MRPL3: variants seen among roughly 807,000 people sequenced by gnomAD.
The protein encoded by MRPL3 is large ribosomal subunit protein uL3m.
In MRPL3, 43 loss-of-function variants were observed where a neutral mutation model predicts 44.3. That is an observed-to-expected ratio of 0.97 (90% CI 0.76 to 1.25). MRPL3 has a LOEUF of 1.25. Among genes scored for constraint, MRPL3 ranks in the 50% most tolerant of loss-of-function variants. The pLI is 0.00. For missense variants in MRPL3, 406 were observed against 427.6 expected, an observed-to-expected ratio of 0.95 and a Z score of 0.45; for synonymous variants, 171 against 152.3, an observed-to-expected ratio of 1.12 and a Z score of -0.91.
At chr3:131,499,707 TG>T (rs1934451611) in intron 3 of MRPL3, among the ~76,000 whole-genome samples, 2 of 151,994 alleles carry the variant, frequency 1.3e-5, no homozygotes, top group Admixed American at 6.6e-5. Flanking sequence ...GGGGGAGTGA[TG>T]ATCTCTTACC....
At chr3:131,490,727 C>A (rs930786399) in intron 4 of MRPL3, among the ~76,000 whole-genome samples, 1 of 152,226 alleles carries the variant, frequency 6.6e-6, no homozygotes, top group African/African-American at 2.4e-5. Flanking sequence ...ACAGTACTAT[C>A]CTCCCACCCC....
intron 6 of MRPL3, among the ~76,000 whole-genome samples, chr3:131,474,970 A>G (rs1490087243): frequency 6.6e-6 from 1 of 151,848 alleles, no homozygotes; most frequent in Non-Finnish European, 1.5e-5. Flanking sequence ...TGGTAGAGAG[A>G]GGGATCTTGC....
chr3:131,467,888 G>A (rs1933651739), intron 9 of MRPL3, among the ~76,000 whole-genome samples: 1 of 151,752 alleles, frequency 6.6e-6, no homozygotes, highest in African/African-American at 2.4e-5. Context: ...TTTTCACTCA[G>A]GTGCTACTAA....
At chr3:131,484,578 A>T (rs1300215590) in intron 6 of MRPL3, among the ~76,000 whole-genome samples, 1 of 152,218 alleles carries the variant, frequency 6.6e-6, no homozygotes, top group African/African-American at 2.4e-5. Context: ...GGAGTTTAAA[A>T]AAGAAAAAAA....
At chr3:131,468,793 T>C (rs779756188) in intron 8 of MRPL3, among the ~76,000 whole-genome samples, 1 of 152,024 alleles carries the variant, frequency 6.6e-6, no homozygotes, top group Non-Finnish European at 1.5e-5. Flanking sequence ...AGTATAAATG[T>C]AATAGAAGGG....
At position 131,462,610 on chromosome 3, in the gene MRPL3, A is replaced by T; in HGVS notation, c.*113T>A. On this transcript the variant is annotated 3_prime_UTR_variant, in exon 10 of 10. Coordinates refer to ENST00000264995, the MANE Select transcript of MRPL3 (RefSeq NM_007208.4). ...TATTTATGCCCTTGACAAAGATGAC[A>T]TGTGTGATTTTGTTGTGACTAAGAA... 2.0e-6 allele frequency: 2 copies of T among 1,002,288 alleles called. No individual in the cohort carries two copies. Among genetic ancestry groups the T allele is most frequent in the South Asian group, 2.1e-5 (1 of 46,598 alleles). 62.1% of individuals were successfully genotyped at this position (1,002,288 alleles called of 1,614,324 possible).
intron 6 of MRPL3, among the ~76,000 whole-genome samples, chr3:131,471,509 A>G (rs1045542155): frequency 5.3e-5 from 8 of 152,222 alleles, no homozygotes; most frequent in Non-Finnish European, 1.2e-4. Context: ...GATTAATTCA[A>G]GATTGTGAGA....
chr3:131,466,978 C>A (rs1192354583), intron 9 of MRPL3, among the ~76,000 whole-genome samples: 1 of 152,034 alleles, frequency 6.6e-6, no homozygotes, highest in Non-Finnish European at 1.5e-5. Flanking sequence ...AGACCACCTC[C>A]GCCAGCTCTC....
intron 6 of MRPL3, among the ~76,000 whole-genome samples, chr3:131,482,803 T>C (rs1401200855): frequency 6.6e-6 from 1 of 152,008 alleles, no homozygotes; most frequent in Admixed American, 6.5e-5. Context: ...ACTTCAGGTA[T>C]GCACTGTCAT....
At chr3:131,488,770 C>T (rs1188176520) in intron 5 of MRPL3, 1 of 151,744 alleles carries the variant, frequency 6.6e-6, no homozygotes, top group East Asian at 1.9e-4. Flanking sequence ...AAGTTATAAC[C>T]CAACCTGGAT....
At position 131,500,449 on chromosome 3, in the gene MRPL3, T is replaced by G. The variant is rs193113171; in HGVS notation, c.350A>C (p.His117Pro). The change falls in exon 3 of 10, where the codon CAT (histidine) becomes CCT (proline). Residue 117 changes from histidine (H) to proline (P), a missense_variant. Transcript: ENST00000264995. ...MPLWTKDGQK[H>P]VVTLLQVQDC... ...TCTTACCTGAAGTAATGTGACCACA[T>G]GCTTTTGACCATCCTTGGTCCATAA... 1 of 1,613,622 alleles carries G rather than the reference T, an allele frequency of 6.2e-7. No individual in the cohort carries two copies. Among genetic ancestry groups the G allele is most frequent in the Non-Finnish European group, 8.5e-7 (1 of 1,179,730 alleles).
At chr3:131,501,315 A>C (rs1431855038) in intron 2 of MRPL3, among the ~76,000 whole-genome samples, 3 of 152,268 alleles carry the variant, frequency 2.0e-5, no homozygotes, top group African/African-American at 2.4e-5. Flanking sequence ...CCTATAAAAC[A>C]GCTTCTCAAG....
intron 6 of MRPL3, among the ~76,000 whole-genome samples, chr3:131,477,122 TA>T (rs1559818413): frequency 6.6e-6 from 1 of 152,230 alleles, no homozygotes; most frequent in Non-Finnish European, 1.5e-5. Context: ...GGTTTTAATA[TA>T]AATCCATCAT....
intron 6 of MRPL3, among the ~76,000 whole-genome samples, chr3:131,481,750 A>G (rs1933993737): frequency 6.6e-6 from 1 of 152,248 alleles, no homozygotes; most frequent in African/African-American, 2.4e-5. Context: ...TAATTTTTAC[A>G]AAGATTATTT....
At chr3:131,479,686 A>C (rs1482732922) in intron 6 of MRPL3, among the ~76,000 whole-genome samples, 1 of 152,138 alleles carries the variant, frequency 6.6e-6, no homozygotes, top group African/African-American at 2.4e-5. Context: ...TCTACTAAAA[A>C]TACAAAAAAA....
intron 9 of MRPL3, among the ~76,000 whole-genome samples, chr3:131,463,931 T>A (rs115721244): frequency 0.055 from 8,300 of 152,178 alleles, 342 homozygotes; most frequent in Middle Eastern, 0.092. Context: ...ATGAATAATT[T>A]GGTTGAAATA....
chr3:131,477,542 G>C (rs998811161), intron 6 of MRPL3, among the ~76,000 whole-genome samples: 3 of 152,182 alleles, frequency 2.0e-5, no homozygotes, highest in Non-Finnish European at 4.4e-5. Flanking sequence ...TTCAGGAGCA[G>C]AGAGATTAAC....
Sources: gnomAD v4.1 joint callset for allele counts (sites outside exome capture counted in the v4.1 genomes callset) on GRCh38, gnomAD v4.1.1 for gene constraint, MANE v1.5 for transcripts, NCBI Gene and HGNC (gene_info 2026-07-23, HGNC 2026-07-21) for gene names.